Variants in TLK1 observed in about 807,000 individuals in gnomAD.
The protein encoded by TLK1 is tousled like kinase 1, also known as serine/threonine-protein kinase tousled-like 1.
Under a neutral mutation model 105.3 loss-of-function variants are expected in TLK1, and 24 were observed. The ratio of observed to expected loss-of-function variants is 0.23; its 90% CI spans 0.17 to 0.32. The LOEUF (loss-of-function observed/expected upper bound fraction) is 0.32, where lower values mean the gene tolerates loss of function less well. Among genes scored for constraint, TLK1 ranks in the 10% least tolerant of loss-of-function variants. TLK1 has a pLI of 1.00. For synonymous variants in TLK1, 321 were observed against 310.4 expected (o/e 1.03, Z -0.36); for missense variants, 558 against 910.5 (o/e 0.61, Z 4.98).
intron 3 of TLK1, among the ~76,000 whole-genome samples, chr2:171,066,263 CAAAT>C (rs1475319876): frequency 1.3e-5 from 2 of 152,164 alleles, no homozygotes; most frequent in Non-Finnish European, 2.9e-5. Context: ...ATCCTATCAT[CAAAT>C]AAAAGCATTT....
At chr2:171,095,078 AT>A (rs1187743216) in intron 2 of TLK1, among the ~76,000 whole-genome samples, 1 of 152,238 alleles carries the variant, frequency 6.6e-6, no homozygotes, top group African/African-American at 2.4e-5. Flanking sequence ...AAACTTTGAG[AT>A]GAATGAAAAC....
chr2:171,128,080 T>A (rs1236521605), intron 1 of TLK1, among the ~76,000 whole-genome samples: 1 of 152,182 alleles, frequency 6.6e-6, no homozygotes, highest in Non-Finnish European at 1.5e-5. Flanking sequence ...CTAATCTTTT[T>A]AATATAATTG....
At chr2:171,178,009 G>A (rs1692864312) in intron 1 of TLK1, among the ~76,000 whole-genome samples, 1 of 151,990 alleles carries the variant, frequency 6.6e-6, no homozygotes, top group African/African-American at 2.4e-5. Context: ...GGCCAGGCTG[G>A]TCCCCTGAGA....
chr2:171,043,246 C>T (rs1056915012), intron 11 of TLK1, among the ~76,000 whole-genome samples: 1 of 152,130 alleles, frequency 6.6e-6, no homozygotes, highest in African/African-American at 2.4e-5. Flanking sequence ...TAACTCCCAT[C>T]TTTCATATAT....
intron 11 of TLK1, chr2:171,045,426 C>CACCAGTTTGGCCAGGCTGG (rs200238000): frequency 7.4e-6 from 1 of 135,040 alleles, no homozygotes; most frequent in African/African-American, 2.7e-5. Flanking sequence ...GACGGGGTTT[C>CACCAGTTTGGCCAGGCTGG]TCTCTGAGAA....
chr2:171,190,890 G>A lies in TLK1; in HGVS notation c.-6+40255C>T, dbSNP rs141552149. Among the ~76,000 whole-genome samples, 371 of 151,720 alleles carry A rather than the reference G, an allele frequency of 2.4e-3. 3 individuals carry two copies. The highest frequency in any genetic ancestry group is 8.5e-3 in the African/African-American group (351 of 41,292). On this transcript the variant is annotated intron_variant, in intron 1 of 20. Transcript: ENST00000521943. ...TAATTTTGTGTTCTTCTGGCTGGGC[G>A]TGGTGGCTCACACCTGTAATCCCAG...
intron 1 of TLK1, among the ~76,000 whole-genome samples, chr2:171,220,220 C>G (rs1444930274): frequency 3.3e-5 from 5 of 152,144 alleles, no homozygotes; most frequent in African/African-American, 1.2e-4. Flanking sequence ...GGGAATTAGG[C>G]CCTGCTATCT....
At chr2:171,166,666 G>C (rs893443637) in intron 1 of TLK1, among the ~76,000 whole-genome samples, 4 of 152,160 alleles carry the variant, frequency 2.6e-5, no homozygotes, top group Admixed American at 6.5e-5. Context: ...AAGATATTTC[G>C]TAAGGTAGTA....
chr2:171,148,253 G>C (rs534351207), intron 1 of TLK1, among the ~76,000 whole-genome samples: 1 of 151,994 alleles, frequency 6.6e-6, no homozygotes, highest in African/African-American at 2.4e-5. Context: ...GTGTTTTTTT[G>C]TGTGTTCTTA....
chr2:171,044,369 G>A (rs559207787), intron 11 of TLK1, among the ~76,000 whole-genome samples: 1 of 152,314 alleles, frequency 6.6e-6, no homozygotes, highest in East Asian at 1.9e-4. Flanking sequence ...AGAGAACACA[G>A]AAAAGGGGCA....
At chr2:171,060,378 C>A (rs547088343) in intron 4 of TLK1, among the ~76,000 whole-genome samples, 16 of 152,134 alleles carry the variant, frequency 1.1e-4, no homozygotes, top group Non-Finnish European at 2.4e-4. Context: ...ATGACTTACC[C>A]TTCCTTCCAT....
chr2:171,174,866 A>C (rs912074923), intron 1 of TLK1, among the ~76,000 whole-genome samples: 1 of 152,126 alleles, frequency 6.6e-6, no homozygotes, highest in Non-Finnish European at 1.5e-5. Flanking sequence ...GAGATTTAGA[A>C]TATAACTTTT....
intron 1 of TLK1, among the ~76,000 whole-genome samples, chr2:171,149,939 A>C (rs1301015324): frequency 1.3e-5 from 2 of 152,150 alleles, no homozygotes; most frequent in Non-Finnish European, 2.9e-5. Context: ...AAAGAAAGAA[A>C]GAACAAACGA....
intron 3 of TLK1, among the ~76,000 whole-genome samples, chr2:171,064,916 A>C (rs180969275): frequency 6.6e-6 from 1 of 152,326 alleles, no homozygotes; most frequent in African/African-American, 2.4e-5. Flanking sequence ...TAAAGGACTC[A>C]AGAAGTGTAG....
At chr2:171,153,851 CA>C (rs1692135106) in intron 1 of TLK1, 1 of 152,118 alleles carries the variant, frequency 6.6e-6, no homozygotes, top group Non-Finnish European at 1.5e-5. Context: ...CACTACTTAC[CA>C]TGCTCATAAA....
intron 12 of TLK1, among the ~76,000 whole-genome samples, chr2:171,020,723 C>G (rs111397556): frequency 6.6e-6 from 1 of 151,730 alleles, no homozygotes; most frequent in Non-Finnish European, 1.5e-5. Flanking sequence ...GCCAGCCAAC[C>G]AACCAACCAA....
chr2:171,216,234 T>G lies in TLK1; in HGVS notation c.-6+14911A>C, dbSNP rs533833319. ...GCTCACGCCTGTAATCCCAGCACTT[T>G]GGGAGGCCGAGGCGGGCAGATCACG... On this transcript the variant is annotated intron_variant, in intron 1 of 20. Coordinates refer to the TLK1 transcript ENST00000521943. Among the ~76,000 whole-genome samples, 4 of 152,262 alleles carry G rather than the reference T, an allele frequency of 2.6e-5. No individual in the cohort carries two copies. The East Asian group carries it at 7.7e-4, about 29-fold the overall frequency.
At chr2:171,003,095 A>G (rs1182689907) in intron 18 of TLK1, among the ~76,000 whole-genome samples, 1 of 151,826 alleles carries the variant, frequency 6.6e-6, no homozygotes, top group African/African-American at 2.4e-5. Flanking sequence ...TAACACGGTG[A>G]AACCCCGTCT....
intron 7 of TLK1, 192 bp downstream of exon 7, chr2:171,054,891 G>C (rs1687421836): frequency 5.4e-6 from 2 of 369,284 alleles, no homozygotes; most frequent in African/African-American, 2.1e-5. Context: ...TTAAAAAGCT[G>C]ATAGTAAATT....
Sources: gnomAD v4.1 joint callset for allele counts (sites outside exome capture counted in the v4.1 genomes callset) on GRCh38, gnomAD v4.1.1 for gene constraint, MANE v1.5 for transcripts, NCBI Gene and HGNC (gene_info 2026-07-23, HGNC 2026-07-21) for gene names.